TLR1: variants seen among roughly 807,000 people sequenced by gnomAD.
TLR1 encodes toll-like receptor 1.
TLR1 carries 19 observed loss-of-function variants against 20.2 expected under a neutral mutation model. That is an observed-to-expected ratio of 0.94 (90% CI 0.66 to 1.38). The LOEUF (loss-of-function observed/expected upper bound fraction) is 1.38, where lower values mean the gene tolerates loss of function less well. Among genes scored for constraint, TLR1 ranks in the 40% most tolerant of loss-of-function variants. The pLI is 0.00. For missense variants in TLR1, 921 were observed against 910.0 expected (o/e 1.01, Z -0.16); for synonymous variants, 320 against 334.5 (o/e 0.96, Z 0.47).
rs937593999 is a variant in TLR1, at chr4:38,797,486, A to G, written c.1346T>C (p.Val449Ala). The G allele has an allele frequency of 6.2e-7, 1 of 1,614,204 alleles. No homozygotes were observed. The highest frequency in any genetic ancestry group is 2.2e-5 in the East Asian group (1 of 44,886). ...IFRCLPPRIK[V>A]LDLHSNKIKS... Reference sequence around the variant, plus strand: ...TATTTTATTGCTGTGAAGATCAAGTACCTTGATCCTGGGAGGTAAACATCT... The same window carrying G: ...TATTTTATTGCTGTGAAGATCAAGTGCCTTGATCCTGGGAGGTAAACATCT... The change falls in exon 4 of 4, where the codon GTA (valine) becomes GCA (alanine). Residue 449 changes from valine to alanine, a missense_variant. Physicochemically the swap from Val to Ala is moderately conservative, Grantham distance 64. Coordinates refer to ENST00000308979, the MANE Select transcript of TLR1 (RefSeq NM_003263.4).
chr4:38,791,790 T>C (rs1362842034), downstream of TLR1, among the ~76,000 whole-genome samples: 1 of 152,246 alleles, frequency 6.6e-6, no homozygotes, highest in African/African-American at 2.4e-5. Context: ...CTATAGACAT[T>C]ATATGTATTA....
At chr4:38,803,492 T>C (rs1726816804) in intron 2 of TLR1, among the ~76,000 whole-genome samples, 1 of 152,240 alleles carries the variant, frequency 6.6e-6, no homozygotes, top group Admixed American at 6.5e-5. Context: ...ATATCTTCTA[T>C]TTGCCTAACC....
Position 38,797,129 on chromosome 4 carries a change from T to C in TLR1, c.1703A>G (p.Lys568Arg). Reference sequence around the variant, plus strand: ...GGATAATTCAGACATGTGAAAGTCCTTTAGTAGGGTTCCTCTATAACTTTC... The same window carrying C: ...GGATAATTCAGACATGTGAAAGTCCCTTAGTAGGGTTCCTCTATAACTTTC... Reference protein sequence around the residue: ...YPESYRGTLLKDFHMSELSCN... With the variant: ...YPESYRGTLLRDFHMSELSCN... The change falls in exon 4 of 4, where the codon AAG becomes AGG. Residue 568 changes from lysine (K) to arginine (R), a missense_variant. By Grantham distance (26) the Lys-to-Arg change is conservative (BLOSUM62 2). Transcript: ENST00000308979. The C allele has an allele frequency of 6.2e-7, 1 of 1,614,238 alleles. No homozygotes were observed. Among genetic ancestry groups the C allele is most frequent in the Non-Finnish European group, 8.5e-7 (1 of 1,180,052 alleles).
Position 38,797,422 on chromosome 4 carries a change from C to A in TLR1, c.1410G>T (p.Leu470Phe). 1.2e-6 allele frequency: 2 copies of A among 1,614,184 alleles called. No homozygotes were observed. The highest frequency in any genetic ancestry group is 1.7e-6 in the Non-Finnish European group (2 of 1,180,044). The change falls in exon 4 of 4, where the codon TTG (leucine) becomes TTT (phenylalanine). Residue 470 changes from leucine (L) to phenylalanine (F), a missense_variant. By Grantham distance (22) the Leu-to-Phe change is conservative. Coordinates refer to ENST00000308979, the MANE Select transcript of TLR1 (RefSeq NM_003263.4). ...AATTGAAAGCAACATTGAGTTCTTG[C>A]AAAGCTTCCAGTTTTACGACTTGTT... The part of the protein sequence containing the change: ...IPKQVVKLEA[L>F]QELNVAFNSL...
At chr4:38,793,266 A>G (rs1361895205), downstream of TLR1, among the ~76,000 whole-genome samples, 3 of 152,180 alleles carry the variant, frequency 2.0e-5, no homozygotes, top group African/African-American at 4.8e-5. Context: ...ATATTTGACC[A>G]GTCTTTTAAT....
At chr4:38,792,990 G>A (rs1187963019), downstream of TLR1, among the ~76,000 whole-genome samples, 1 of 151,856 alleles carries the variant, frequency 6.6e-6, no homozygotes, top group Non-Finnish European at 1.5e-5. Flanking sequence ...TTTTGGTGGA[G>A]GTCCCCCGAG....
chr4:38,789,727 T>C (rs1272957620), downstream of TLR1, among the ~76,000 whole-genome samples: 1 of 152,176 alleles, frequency 6.6e-6, no homozygotes, highest in Non-Finnish European at 1.5e-5. Flanking sequence ...CCTCCCAAAG[T>C]GCTGGGAATA....
intron 2 of TLR1, among the ~76,000 whole-genome samples, chr4:38,801,828 A>C (rs5743588): frequency 6.6e-6 from 1 of 152,208 alleles, no homozygotes; most frequent in Non-Finnish European, 1.5e-5. Context: ...TTAGGCAGAC[A>C]TGAGCAGGAC....
intron 2 of TLR1, among the ~76,000 whole-genome samples, chr4:38,801,213 T>C (rs1225421716): frequency 6.6e-6 from 1 of 152,216 alleles, no homozygotes; most frequent in Non-Finnish European, 1.5e-5. Flanking sequence ...AATTAGGTCA[T>C]AAGAATAGAG....
At chr4:38,791,424 G>C (rs1466131119), downstream of TLR1, among the ~76,000 whole-genome samples, 3 of 152,154 alleles carry the variant, frequency 2.0e-5, no homozygotes, top group Non-Finnish European at 4.4e-5. Context: ...GGAGATCTTA[G>C]TGCTTTTCTA....
At chr4:38,792,960 T>C (rs1725812620), downstream of TLR1, among the ~76,000 whole-genome samples, 3 of 151,208 alleles carry the variant, frequency 2.0e-5, no homozygotes, top group South Asian at 4.2e-4. Flanking sequence ...GCTGATAAAA[T>C]GGAACTAGGT....
At chr4:38,791,454 G>C (rs1725719256), downstream of TLR1, among the ~76,000 whole-genome samples, 2 of 152,114 alleles carry the variant, frequency 1.3e-5, no homozygotes, top group Admixed American at 1.3e-4. Flanking sequence ...ATTAGTTCTT[G>C]ATATACATGA....
downstream of TLR1, among the ~76,000 whole-genome samples, chr4:38,789,389 T>A (rs1432294716): frequency 6.6e-6 from 1 of 152,250 alleles, no homozygotes; most frequent in African/African-American, 2.4e-5. Flanking sequence ...TGTTAAACAT[T>A]TACCAGCACA....
In TLR1 at chr4:38,797,960, T is replaced by C; in HGVS notation, c.872A>G (p.Asp291Gly). The change falls in exon 4 of 4, where the codon GAT becomes GGT. Residue 291 changes from aspartate to glycine, a missense_variant. Asp to Gly is a moderately conservative substitution (Grantham distance 94, BLOSUM62 -1). Coordinates refer to ENST00000308979, the MANE Select transcript of TLR1 (RefSeq NM_003263.4). ...CAAGGAAGTGCCAGAATAATCAAAA[T>C]CTCTGAAGTCCAGCTGACCCTGTAG... The part of the protein sequence containing the change: ...VKLQGQLDFR[D>G]FDYSGTSLKA... The C allele has an allele frequency of 6.2e-7, 1 of 1,614,134 alleles. No individual in the cohort carries two copies. The highest frequency in any genetic ancestry group is 8.5e-7 in the Non-Finnish European group (1 of 1,180,014).
chr4:38,800,285 G>C (rs1726547069), intron 3 of TLR1, among the ~76,000 whole-genome samples: 1 of 152,160 alleles, frequency 6.6e-6, no homozygotes, highest in African/African-American at 2.4e-5. Context: ...TTAGGGCCAA[G>C]ATCACTCAGG....
downstream of TLR1, among the ~76,000 whole-genome samples, chr4:38,793,700 A>G (rs79948128): frequency 0.04 from 6,026 of 152,240 alleles, 165 homozygotes; most frequent in Middle Eastern, 0.16. Flanking sequence ...CTTTCAGGGA[A>G]TTCTTTTTCG....
At chr4:38,796,155 A>G, downstream of TLR1, 1 of 279,784 alleles carries the variant, frequency 3.6e-6, no homozygotes, top group East Asian at 7.1e-5. Flanking sequence ...AATATTGGCC[A>G]TGATACACTA....
intron 3 of TLR1, among the ~76,000 whole-genome samples, chr4:38,800,023 T>C (rs913747321): frequency 6.6e-6 from 1 of 152,182 alleles, no homozygotes; most frequent in Admixed American, 6.5e-5. Context: ...GGGTAAATTG[T>C]AGGTATGAGA....
At chr4:38,802,057 C>T (rs902900663) in intron 2 of TLR1, among the ~76,000 whole-genome samples, 20 of 152,034 alleles carry the variant, frequency 1.3e-4, no homozygotes, top group African/African-American at 4.8e-5. Flanking sequence ...ATTAGCCGGG[C>T]GTGATGGCAG....
Sources: allele counts gnomAD v4.1 joint callset (sites outside exome capture counted in the v4.1 genomes callset), GRCh38; gene constraint gnomAD v4.1.1; transcripts MANE v1.5; gene names NCBI Gene and HGNC (gene_info 2026-07-23, HGNC 2026-07-21).